The following GMDS variants were observed in gnomAD, a reference collection of about 807,000 sequenced individuals.
The protein encoded by GMDS is GDP-mannose 4,6 dehydratase.
A neutral mutation model predicts 49.9 loss-of-function variants in GMDS; 20 were observed. The ratio of observed to expected loss-of-function variants is 0.40; its 90% CI spans 0.28 to 0.58. GMDS has a LOEUF of 0.58. Among genes scored for constraint, GMDS ranks in the 20% least tolerant of loss-of-function variants. The pLI is 0.42. For synonymous variants in GMDS, 177 were observed against 178.6 expected, an observed-to-expected ratio of 0.99 and a Z score of 0.07; for missense variants, 362 against 481.4, an observed-to-expected ratio of 0.75 and a Z score of 2.32.
chr6:1,750,466 G>A (rs1200265717), intron 7 of GMDS, among the ~76,000 whole-genome samples: 2 of 152,160 alleles, frequency 1.3e-5, no homozygotes, highest in African/African-American at 4.8e-5. Context: ...TCCCTCACAT[G>A]GGAAGCGCAA....
At chr6:2,136,525 C>A (rs1776009653) in intron 1 of GMDS, among the ~76,000 whole-genome samples, 2 of 152,142 alleles carry the variant, frequency 1.3e-5, no homozygotes, top group Admixed American at 1.3e-4. Context: ...AGCTCAAGGC[C>A]TCCCTGGGCA....
At chr6:1,726,849 AATTC>A (rs1458613909) in intron 8 of GMDS, among the ~76,000 whole-genome samples, 7 of 152,138 alleles carry the variant, frequency 4.6e-5, no homozygotes, top group East Asian at 1.9e-4. Context: ...ATTCTTGGTC[AATTC>A]ATTATTATTA....
At chr6:1,903,511 A>G (rs912261437) in intron 7 of GMDS, among the ~76,000 whole-genome samples, 19 of 152,262 alleles carry the variant, frequency 1.2e-4, no homozygotes, top group African/African-American at 4.6e-4. Context: ...CATTTCATCT[A>G]CACAGCTTCT....
intron 4 of GMDS, among the ~76,000 whole-genome samples, chr6:2,095,493 T>C (rs1340239635): frequency 6.6e-6 from 1 of 152,156 alleles, no homozygotes; most frequent in Non-Finnish European, 1.5e-5. Flanking sequence ...CTAAATAAGC[T>C]TATCAATAAG....
intron 1 of GMDS, among the ~76,000 whole-genome samples, chr6:2,164,701 G>C (rs1581735700): frequency 1.3e-5 from 2 of 152,290 alleles, no homozygotes; most frequent in Admixed American, 1.3e-4. Context: ...AGTTCAATTT[G>C]CATCATAATA....
At chr6:2,186,321 G>C (rs1418219644) in intron 1 of GMDS, among the ~76,000 whole-genome samples, 11 of 152,268 alleles carry the variant, frequency 7.2e-5, no homozygotes, top group Non-Finnish European at 4.4e-5. Context: ...GTAATCAGGG[G>C]ATATTTTTAA....
intron 6 of GMDS, 128 bp from the exon 7 acceptor site, chr6:1,930,358 C>A: frequency 1.6e-6 from 1 of 630,854 alleles, no homozygotes. Flanking sequence ...CCTGTTAAAA[C>A]AATAAAAGAA....
At chr6:1,738,051 C>T (rs1261913370) in intron 8 of GMDS, among the ~76,000 whole-genome samples, 1 of 146,846 alleles carries the variant, frequency 6.8e-6, no homozygotes, top group Non-Finnish European at 1.5e-5. Context: ...ACACCACATA[C>T]ACCACACACA....
intron 9 of GMDS, among the ~76,000 whole-genome samples, chr6:1,663,999 C>G (rs984754500): frequency 4.6e-5 from 7 of 152,172 alleles, no homozygotes; most frequent in Non-Finnish European, 8.8e-5. Flanking sequence ...ACACGGTAGG[C>G]ACCCAGTAAG....
At chr6:1,691,873 G>A (rs1454362310) in intron 9 of GMDS, among the ~76,000 whole-genome samples, 2 of 152,094 alleles carry the variant, frequency 1.3e-5, no homozygotes, top group South Asian at 2.1e-4. Flanking sequence ...CTTTTGTTGG[G>A]ATTTGTGGTG....
intron 1 of GMDS, among the ~76,000 whole-genome samples, chr6:2,212,710 A>T (rs1293764794): frequency 1.5e-3 from 141 of 95,624 alleles, no homozygotes; most frequent in African/African-American, 5.1e-3. Context: ...TAACTTGTAA[A>T]AAAAAAAAAA....
intron 7 of GMDS, among the ~76,000 whole-genome samples, chr6:1,926,001 C>T (rs1241363487): frequency 2.0e-5 from 3 of 152,208 alleles, no homozygotes; most frequent in Non-Finnish European, 4.4e-5. Context: ...ACGGGTGGAA[C>T]TATGCCGAGT....
intron 4 of GMDS, among the ~76,000 whole-genome samples, chr6:1,973,651 TTATAA>T (rs1207021230): frequency 1.3e-5 from 2 of 152,186 alleles, no homozygotes; most frequent in African/African-American, 4.8e-5. Flanking sequence ...GTCTTCATTA[TTATAA>T]TATTATTATA....
intron 7 of GMDS, among the ~76,000 whole-genome samples, chr6:1,900,385 A>C (rs1760440656): frequency 1.3e-5 from 2 of 152,360 alleles, no homozygotes; most frequent in African/African-American, 4.8e-5. Flanking sequence ...ATGCTAGCAC[A>C]TAACACACAA....
intron 4 of GMDS, among the ~76,000 whole-genome samples, chr6:2,037,729 C>T (rs989236075): frequency 2.0e-5 from 3 of 152,084 alleles, no homozygotes; most frequent in Admixed American, 6.6e-5. Context: ...GGATTTGGTT[C>T]TGCTGCTCTC....
chr6:2,195,666 G>A (rs1779246751), intron 1 of GMDS, among the ~76,000 whole-genome samples: 1 of 151,746 alleles, frequency 6.6e-6, no homozygotes, highest in Non-Finnish European at 1.5e-5. Flanking sequence ...AAGAATGAAG[G>A]TATAAAATAA....
At chr6:2,173,229 A>C (rs1581748236) in intron 1 of GMDS, among the ~76,000 whole-genome samples, 1 of 152,270 alleles carries the variant, frequency 6.6e-6, no homozygotes, top group South Asian at 2.1e-4. Context: ...CATTATTAAA[A>C]ATAGAAAAAT....
intron 9 of GMDS, among the ~76,000 whole-genome samples, chr6:1,652,427 TA>T (rs1298830576): frequency 4.5e-5 from 1 of 22,416 alleles, no homozygotes; most frequent in East Asian, 9.6e-4. Flanking sequence ...AATATATATA[TA>T]ATATATTATA....
chr6:1,835,854 TTTTATTTTATTTTATTTTTTA>T, intron 7 of GMDS, among the ~76,000 whole-genome samples: 1 of 140,084 alleles, frequency 7.1e-6, no homozygotes, highest in South Asian at 2.2e-4. Context: ...TTCATTTGCT[TTTTATTTTATTTTATTTTTTA>T]TTTATTTTAT....
Sources: allele counts gnomAD v4.1 joint callset (sites outside exome capture counted in the v4.1 genomes callset), GRCh38; gene constraint gnomAD v4.1.1; transcripts MANE v1.5; gene names NCBI Gene and HGNC (gene_info 2026-07-23, HGNC 2026-07-21).